The following DGKD variants were observed in gnomAD, a reference collection of about 807,000 sequenced individuals.
DGKD encodes diacylglycerol kinase delta, also known as DAG kinase delta.
In DGKD, 68 loss-of-function variants were observed where a neutral mutation model predicts 154.4. The observed-to-expected ratio is 0.44, with a 90% confidence interval of 0.36 to 0.54. DGKD has a LOEUF of 0.54. Among genes scored for constraint, DGKD ranks in the 20% least tolerant of loss-of-function variants. DGKD has a pLI of 0.00. For missense variants in DGKD, 1,343 were observed against 1,593.6 expected, an observed-to-expected ratio of 0.84 and a Z score of 2.68; for synonymous variants, 693 against 638.0, an observed-to-expected ratio of 1.09 and a Z score of -1.30.
intron 3 of DGKD, 63 bp from the exon 4 acceptor site, chr2:233,434,317 C>T (rs1000857452): frequency 1.4e-5 from 18 of 1,301,262 alleles, no homozygotes; most frequent in African/African-American, 5.9e-5. Flanking sequence ...TTTAAGAAAG[C>T]GTTCATAGCT....
At chr2:233,389,997 G>T (rs1703484025) in intron 2 of DGKD, among the ~76,000 whole-genome samples, 1 of 152,220 alleles carries the variant, frequency 6.6e-6, no homozygotes. Flanking sequence ...GGAGGACACG[G>T]AATCCTCAGT....
Position 233,457,516 on chromosome 2 carries a change from T to C in DGKD, c.2580+188T>C. 1 of 681,156 alleles carries C rather than the reference T, an allele frequency of 1.5e-6. No individual in the cohort carries two copies. The allele number at this position is 681,156 out of a possible 1,614,324, so 42.2% of individuals were successfully genotyped here. On this transcript the variant is annotated intron_variant, in intron 21 of 29. Coordinates refer to ENST00000264057, the MANE Select transcript of DGKD (RefSeq NM_152879.3). This position sits in a 1 kb window ranked among gnomAD's most constrained non-coding sequence, Gnocchi z 5.5. Reference sequence around the variant, plus strand: ...TCGTCTAGAGGGCTGAGCAGAGCAGTTGTGTCAGTGAAGGTGGTCAGTGAG... The same window carrying C: ...TCGTCTAGAGGGCTGAGCAGAGCAGCTGTGTCAGTGAAGGTGGTCAGTGAG...
In DGKD at chr2:233,458,249, T is replaced by TGGAGTGGTGGTCAGCTCTAAC. The variant is rs1243563093; in HGVS notation, c.2581-33_2581-13dup. 7 of 1,434,094 alleles carry TGGAGTGGTGGTCAGCTCTAAC rather than the reference T, an allele frequency of 4.9e-6. No homozygotes were observed. The highest frequency in any genetic ancestry group is 6.9e-6 in the Non-Finnish European group (7 of 1,020,822). The allele number at this position is 1,434,094 out of a possible 1,614,324, so 88.8% of individuals were successfully genotyped here. On this transcript the variant is annotated intron_variant, in intron 21 of 29. Coordinates refer to ENST00000264057, the MANE Select transcript of DGKD (RefSeq NM_152879.3). The surrounding 1 kb of genome is among the most constrained non-coding windows in gnomAD (Gnocchi z 6.6). ...GGGGCGGCCTGTGCTCGGGGATGTG[T>TGGAGTGGTGGTCAGCTCTAAC]GGAGTGGTGGTCAGCTCTAACGTGT...
At chr2:233,360,735 T>C (rs554313491) in intron 1 of DGKD, among the ~76,000 whole-genome samples, 36 of 152,196 alleles carry the variant, frequency 2.4e-4, no homozygotes, top group Non-Finnish European at 4.1e-4. Context: ...GGAGAAACTC[T>C]AAATCCAGTG....
intron 28 of DGKD, 36 bp downstream of exon 28, chr2:233,467,239 C>T (rs1368124972): frequency 4.1e-6 from 6 of 1,452,978 alleles, no homozygotes; most frequent in Non-Finnish European, 5.8e-6. Flanking sequence ...TTCTGGCCGT[C>T]CACGCCTGCT....
At chr2:233,411,103 C>G (rs1423116151) in intron 3 of DGKD, among the ~76,000 whole-genome samples, 1 of 151,942 alleles carries the variant, frequency 6.6e-6, no homozygotes, top group Non-Finnish European at 1.5e-5. Context: ...TATTGGTGGG[C>G]ATTTAGGTAG....
At chr2:233,448,521 G>C (rs775556930) in intron 14 of DGKD, 146 bp downstream of exon 14, 4 of 710,420 alleles carry the variant, frequency 5.6e-6, no homozygotes, top group Non-Finnish European at 9.3e-6. Flanking sequence ...AGGAAGACAA[G>C]AATGAAGCAA....
rs1363213049 is a variant in DGKD at position 233,442,012 on chromosome 2, G to C, written c.1194+17G>C. 1 of 1,610,208 alleles carries C rather than the reference G, an allele frequency of 6.2e-7. No individual in the cohort carries two copies. The highest frequency in any genetic ancestry group is 8.5e-7 in the Non-Finnish European group (1 of 1,176,446). On this transcript the variant is annotated intron_variant, in intron 10 of 29. Coordinates refer to ENST00000264057, the MANE Select transcript of DGKD (RefSeq NM_152879.3). ...CATAAACAGGTACCAGGACAGGAGG[G>C]AGCCCAGCCAGGAGCAGAGAGGGTG... is the stretch of plus-strand genomic sequence containing the variant.
In DGKD at chr2:233,458,367, C is replaced by T. The variant is rs2063523743; in HGVS notation, c.2664C>T (p.Val888=). 6.2e-7 allele frequency: 1 copy of T among 1,611,204 alleles called. No homozygotes were observed. Among genetic ancestry groups the T allele is most frequent in the Admixed American group, 1.7e-5 (1 of 60,022 alleles). The change falls in exon 22 of 30, where the codon GTC becomes GTT. Residue 888 remains valine, a synonymous_variant. Coordinates refer to ENST00000264057, the MANE Select transcript of DGKD (RefSeq NM_152879.3). This position sits in a 1 kb window ranked among gnomAD's most constrained non-coding sequence, Gnocchi z 6.6. ...FGSMQMAVSR[V]IRLQHHRIAQ... Reference sequence around the variant, plus strand: ...GCATGCAGATGGCCGTCTCTCGAGTCATCAGGCTACAGCATCATCGGATCG... The same window carrying T: ...GCATGCAGATGGCCGTCTCTCGAGTTATCAGGCTACAGCATCATCGGATCG...
chr2:233,415,842 T>A (rs1041862068), intron 3 of DGKD, among the ~76,000 whole-genome samples: 4 of 152,138 alleles, frequency 2.6e-5, no homozygotes, highest in Non-Finnish European at 5.9e-5. Context: ...CCCAGGCTGG[T>A]CTTGAACACC....
chr2:233,445,261 G>C lies in DGKD; in HGVS notation c.1195-362G>C, dbSNP rs1430079848. The stretch of plus-strand genomic sequence containing the variant: ...TGGCGAGGCATCAGAGTGATTCCTT[G>C]GGGCTGTGGTCACGGTGGTGAAAAT... On this transcript the variant is annotated intron_variant, in intron 10 of 29. Transcript: ENST00000264057. This position sits in a 1 kb window ranked among gnomAD's most constrained non-coding sequence, Gnocchi z 5.5. 1.3e-5 allele frequency among the ~76,000 whole-genome samples: 2 copies of C among 152,074 alleles called. No homozygotes were observed. Among genetic ancestry groups the C allele is most frequent in the Non-Finnish European group, 2.9e-5 (2 of 68,016 alleles).
intron 3 of DGKD, chr2:233,392,343 G>A (rs1418726636): frequency 6.6e-6 from 1 of 152,012 alleles, no homozygotes; most frequent in Non-Finnish European, 1.5e-5. Flanking sequence ...TAATTTAGAT[G>A]TTCATTTTGG....
chr2:233,412,741 C>A (rs1013639750), intron 3 of DGKD, among the ~76,000 whole-genome samples: 2 of 152,196 alleles, frequency 1.3e-5, no homozygotes, highest in South Asian at 4.1e-4. Context: ...TTGTAGGTAT[C>A]CTTTATCAGT....
At chr2:233,382,752 T>C (rs999068561) in intron 1 of DGKD, among the ~76,000 whole-genome samples, 4 of 152,212 alleles carry the variant, frequency 2.6e-5, no homozygotes, top group Admixed American at 2.6e-4. Context: ...TCTATCCTTA[T>C]ATTGATTAAC....
intron 1 of DGKD, among the ~76,000 whole-genome samples, chr2:233,365,683 C>G (rs999190052): frequency 6.6e-6 from 1 of 152,104 alleles, no homozygotes; most frequent in African/African-American, 2.4e-5. Context: ...CAACAGCTTT[C>G]AAAAGAGTTG....
chr2:233,434,304 G>A (rs1302189106), intron 3 of DGKD, 76 bp from the exon 4 acceptor site: 21 of 1,105,372 alleles, frequency 1.9e-5, no homozygotes, highest in Non-Finnish European at 2.6e-5. Context: ...GTGTGAGGTC[G>A]GTTTTAAGAA....
chr2:233,384,337 CTTG>C, intron 1 of DGKD, among the ~76,000 whole-genome samples: 1 of 152,328 alleles, frequency 6.6e-6, no homozygotes, highest in African/African-American at 2.4e-5. Context: ...CCACTTTCTT[CTTG>C]TTCTCCTTTC....
chr2:233,369,234 C>G lies in DGKD; in HGVS notation c.156+14560C>G, dbSNP rs530455966. 1.4e-4 allele frequency among the ~76,000 whole-genome samples: 22 copies of G among 152,312 alleles called. 1 individual carries two copies. The South Asian group carries it at 3.3e-3, about 23-fold the overall frequency. On this transcript the variant is annotated intron_variant, in intron 1 of 29. Transcript: ENST00000264057. ...CAGTATTTTTCCCTGTCCACTGTAT[C>G]CATCAGCATTCTGGGGGCCTCAGTT...
At position 233,458,411 on chromosome 2, in the gene DGKD, T is replaced by G. The variant is rs1462795953; in HGVS notation, c.2694+14T>G. ...CGGATCGCCCAGGTAGTGGCCATGG[T>G]CCTGGGGTGTCTGGCCGAGTCCCCA... On this transcript the variant is annotated intron_variant, in intron 22 of 29. Coordinates refer to ENST00000264057, the MANE Select transcript of DGKD (RefSeq NM_152879.3). This position sits in a 1 kb window ranked among gnomAD's most constrained non-coding sequence, Gnocchi z 6.6. 6.3e-7 allele frequency: 1 copy of G among 1,584,374 alleles called. No individual in the cohort carries two copies. The highest frequency in any genetic ancestry group is 8.6e-7 in the Non-Finnish European group (1 of 1,161,098).
Sources: allele counts gnomAD v4.1 joint callset (sites outside exome capture counted in the v4.1 genomes callset), GRCh38; gene constraint gnomAD v4.1.1; non-coding constraint Gnocchi (gnomAD v3.1); transcripts MANE v1.5; gene names NCBI Gene and HGNC (gene_info 2026-07-23, HGNC 2026-07-21).